SH3BP2: variants seen among roughly 807,000 people sequenced by gnomAD.
The protein encoded by SH3BP2 is SH3 domain-binding protein 2.
SH3BP2 carries 38 observed loss-of-function variants against 56.2 expected under a neutral mutation model. That is an observed-to-expected ratio of 0.68 (90% CI 0.52 to 0.89). The LOEUF (loss-of-function observed/expected upper bound fraction) is 0.89, where lower values mean the gene tolerates loss of function less well. Among genes scored for constraint, SH3BP2 ranks in the 40% least tolerant of loss-of-function variants. The pLI is 0.00. For synonymous variants in SH3BP2, 346 were observed against 316.7 expected, an observed-to-expected ratio of 1.09 and a Z score of -0.98; for missense variants, 748 against 762.6, an observed-to-expected ratio of 0.98 and a Z score of 0.23.
chr4:2,814,524 G>A (rs985468216), intron 1 of SH3BP2, among the ~76,000 whole-genome samples: 6 of 152,080 alleles, frequency 3.9e-5, no homozygotes, highest in Admixed American at 1.3e-4. Flanking sequence ...ACGCACACAC[G>A]CACAAGTGTA....
In SH3BP2 at chr4:2,831,744, A is replaced by G. The variant is rs1724997898; in HGVS notation, c.1350+65A>G. 1 of 1,448,010 alleles carries G rather than the reference A, an allele frequency of 6.9e-7. No individual in the cohort carries two copies. Among genetic ancestry groups the G allele is most frequent in the Middle Eastern group, 1.7e-4 (1 of 5,778 alleles). The allele number at this position is 1,448,010 out of a possible 1,614,324, so 89.7% of individuals were successfully genotyped here. On this transcript the variant is annotated intron_variant, in intron 9 of 12. Coordinates refer to ENST00000503393, the MANE Select transcript of SH3BP2 (RefSeq NM_001122681.2). This position sits in a 1 kb window ranked among gnomAD's most constrained non-coding sequence, Gnocchi z 4.1. ...GGTGGACAGGTGGTGGGAAAGCCAT[A>G]GGCCAGGGCGGCCCCTCACAGACCG...
intron 1 of SH3BP2, chr4:2,799,155 G>T: frequency 7.1e-6 from 7 of 985,640 alleles, no homozygotes; most frequent in Non-Finnish European, 8.4e-6. Context: ...CTGGCTGCCT[G>T]TCCCCACAGG....
rs978611802 is a variant in SH3BP2, at chr4:2,839,174, CT to C, written c.*5353del. On this transcript the variant is annotated 3_prime_UTR_variant, in exon 13 of 13. Coordinates refer to ENST00000503393, the MANE Select transcript of SH3BP2 (RefSeq NM_001122681.2). ...CTTGTTGTCTTTTTCTTTTTCTTTT[CT>C]TTTTTTTTTTTTCTGAGACAGGGTC... is the stretch of plus-strand genomic sequence containing the variant. 5.3e-4 allele frequency: 76 copies of C among 143,048 alleles called. 1 individual carries two copies. Among genetic ancestry groups the C allele is most frequent in the East Asian group, 8.1e-4 (4 of 4,960 alleles). 8.9% of individuals were successfully genotyped at this position (143,048 alleles called of 1,614,324 possible).
rs143715914 is a variant in SH3BP2 at position 2,810,027 on chromosome 4, C to T, written c.-4-10587C>T. ...GGCGTGGGGTCATCTCCATGGTTAC[C>T]GGCACAGGGTAAATGTCAAGGAGTG... is the stretch of plus-strand genomic sequence containing the variant. On this transcript the variant is annotated intron_variant, in intron 1 of 12. Coordinates refer to ENST00000503393, the MANE Select transcript of SH3BP2 (RefSeq NM_001122681.2). This position sits in a 1 kb window ranked among gnomAD's most constrained non-coding sequence, Gnocchi z 4.2. Among the ~76,000 whole-genome samples, 360 of 152,320 alleles carry T rather than the reference C, an allele frequency of 2.4e-3. No homozygotes were observed. The highest frequency in any genetic ancestry group is 0.01 in the Middle Eastern group (3 of 294).
At position 2,836,901 on chromosome 4, in the gene SH3BP2, C is replaced by T. The variant is rs955834526; in HGVS notation, c.*3067C>T. On this transcript the variant is annotated 3_prime_UTR_variant, in exon 13 of 13. Transcript: ENST00000503393. ...AAGATGAGTTCAGGTGGGCTCAGTT[C>T]TGGGGCTTGGGAAAAGGGCCCCAGT... 6.6e-6 allele frequency: 1 copy of T among 152,244 alleles called. No individual in the cohort carries two copies. The highest frequency in any genetic ancestry group is 2.1e-4 in the South Asian group (1 of 4,830). The allele number at this position is 152,244 out of a possible 1,614,324, so 9.4% of individuals were successfully genotyped here. A position where few individuals can be genotyped will look rare whatever the true frequency, so the allele number is the denominator to read the frequency against.
At chr4:2,809,801 G>C in intron 1 of SH3BP2, 1 of 985,694 alleles carries the variant, frequency 1.0e-6, no homozygotes, top group Non-Finnish European at 1.2e-6. Flanking sequence ...CCCTCTGCCT[G>C]CCCTGCTGGC....
chr4:2,832,005 G>C (rs756830935), intron 10 of SH3BP2, 27 bp downstream of exon 10: 1 of 1,609,616 alleles, frequency 6.2e-7, no homozygotes, highest in African/African-American at 1.3e-5. Context: ...GTGTGTGCTG[G>C]GTCCTCCGCC....
intron 1 of SH3BP2, among the ~76,000 whole-genome samples, chr4:2,814,027 CCCTGTGG>C (rs1375827707): frequency 6.6e-6 from 1 of 152,222 alleles, no homozygotes; most frequent in Non-Finnish European, 1.5e-5. Context: ...AAGTCCTTGA[CCCTGTGG>C]TCACATGAGG....
chr4:2,822,952 A>G lies in SH3BP2; in HGVS notation c.154A>G (p.Ile52Val), dbSNP rs757132275. The change falls in exon 3 of 13, where the codon ATC becomes GTC. Residue 52 changes from isoleucine (I) to valine (V), a missense_variant. Ile to Val is a conservative substitution (Grantham distance 29, BLOSUM62 3). Coordinates refer to ENST00000503393, the MANE Select transcript of SH3BP2 (RefSeq NM_001122681.2). ...QLLKWPLRFV[I>V]IHKRCVYYFK... The stretch of plus-strand genomic sequence containing the variant: ...TCCCACAGGGCCCCTGCGCTTTGTC[A>G]TCATCCACAAACGCTGCGTCTACTA... 5.6e-6 allele frequency: 9 copies of G among 1,613,794 alleles called. No individual in the cohort carries two copies. Among genetic ancestry groups the G allele is most frequent in the Middle Eastern group, 1.6e-4 (1 of 6,084 alleles).
chr4:2,803,394 C>T (rs1359031076), intron 1 of SH3BP2, among the ~76,000 whole-genome samples: 4 of 152,246 alleles, frequency 2.6e-5, no homozygotes, highest in Non-Finnish European at 5.9e-5. Context: ...GTGCTGTCCA[C>T]TTCCAGGGCC....
chr4:2,803,692 C>G (rs1049882210), intron 1 of SH3BP2, among the ~76,000 whole-genome samples: 1 of 152,164 alleles, frequency 6.6e-6, no homozygotes, highest in Admixed American at 6.5e-5. Flanking sequence ...CTCTGTCTCT[C>G]ATGTCAGAAG....
chr4:2,818,272 G>A, intron 1 of SH3BP2: 1 of 1,018,534 alleles, frequency 9.8e-7, no homozygotes, highest in Non-Finnish European at 1.2e-6. Context: ...GCGGGAGGCG[G>A]GCGCCCGGGA....
At chr4:2,822,190 T>G (rs1724346337) in intron 2 of SH3BP2, among the ~76,000 whole-genome samples, 1 of 105,632 alleles carries the variant, frequency 9.5e-6, no homozygotes, top group Admixed American at 1.1e-4. Flanking sequence ...TGTCTCACTC[T>G]GTCACCCAGA....
chr4:2,801,389 C>G (rs1211846243), intron 1 of SH3BP2, among the ~76,000 whole-genome samples: 2 of 152,246 alleles, frequency 1.3e-5, no homozygotes, highest in Non-Finnish European at 1.5e-5. Flanking sequence ...GAGGAACACA[C>G]AGCTCTCGGT....
chr4:2,796,895 C>T (rs2108694175), intron 1 of SH3BP2, among the ~76,000 whole-genome samples: 1 of 152,372 alleles, frequency 6.6e-6, no homozygotes, highest in Middle Eastern at 3.4e-3. Context: ...CAGAGCTTCT[C>T]TCAGGCACCA....
chr4:2,805,669 C>T (rs1399555807), intron 1 of SH3BP2, among the ~76,000 whole-genome samples: 4 of 152,072 alleles, frequency 2.6e-5, no homozygotes, highest in East Asian at 1.9e-4. Flanking sequence ...AATGCCACAG[C>T]GTCGGGGGGT....
intron 1 of SH3BP2, among the ~76,000 whole-genome samples, chr4:2,812,902 G>A (rs981649431): frequency 6.6e-6 from 1 of 152,138 alleles, no homozygotes; most frequent in Non-Finnish European, 1.5e-5. Context: ...GTAACGGAGA[G>A]AGCTGTACAA....
At position 2,829,386 on chromosome 4, in the gene SH3BP2, G is replaced by A; in HGVS notation, c.587-107G>A. On this transcript the variant is annotated intron_variant, in intron 7 of 12. Transcript: ENST00000503393. This position sits in a 1 kb window ranked among gnomAD's most constrained non-coding sequence, Gnocchi z 4.9. ...GCTGGGTGGGCAGGCTGTGGGGTGG[G>A]CCTACCATGGGTTGCACTCCTGGTT... is the stretch of plus-strand genomic sequence containing the variant. 1 of 1,197,986 alleles carries A rather than the reference G, an allele frequency of 8.3e-7. No homozygotes were observed. Among genetic ancestry groups the A allele is most frequent in the South Asian group, 1.2e-5 (1 of 81,932 alleles). 74.2% of individuals were successfully genotyped at this position (1,197,986 alleles called of 1,614,324 possible).
chr4:2,812,339 C>T (rs561916155), intron 1 of SH3BP2: 27 of 1,549,964 alleles, frequency 1.7e-5, no homozygotes, highest in African/African-American at 4.1e-5. Flanking sequence ...CAGCCAGGCG[C>T]GTCAGGCCTC....
Sources: allele counts gnomAD v4.1 joint callset (sites outside exome capture counted in the v4.1 genomes callset), GRCh38; gene constraint gnomAD v4.1.1; non-coding constraint Gnocchi (gnomAD v3.1); transcripts MANE v1.5; gene names NCBI Gene and HGNC (gene_info 2026-07-23, HGNC 2026-07-21).